The following SGCZ variants were observed in gnomAD, a reference collection of about 807,000 sequenced individuals.
SGCZ encodes zeta-sarcoglycan.
SGCZ carries 40 observed loss-of-function variants against 41.3 expected under a neutral mutation model. That is an observed-to-expected ratio of 0.97 (90% CI 0.75 to 1.26). The LOEUF (loss-of-function observed/expected upper bound fraction) is 1.26, where lower values mean the gene tolerates loss of function less well. SGCZ is among the 50% of genes most tolerant of loss of function. The pLI, the probability that SGCZ is intolerant of heterozygous loss-of-function variation, is 0.00. For missense variants in SGCZ, 552 were observed against 369.8 expected (o/e 1.49, Z -4.04); for synonymous variants, 206 against 137.5 (o/e 1.50, Z -3.49).
At chr8:14,210,718 C>T (rs929705452) in intron 4 of SGCZ, among the ~76,000 whole-genome samples, 5 of 152,144 alleles carry the variant, frequency 3.3e-5, no homozygotes, top group South Asian at 2.1e-4. Flanking sequence ...CCGCTTGCCT[C>T]GGCCTCCCAA....
chr8:14,814,642 C>T (rs116887683), intron 1 of SGCZ, among the ~76,000 whole-genome samples: 2,461 of 152,188 alleles, frequency 0.016, 20 homozygotes, highest in Middle Eastern at 0.031. Flanking sequence ...GATGGGAGGA[C>T]GCAAGCTGGG....
chr8:15,097,840 GTGTATATATA>G, intron 1 of SGCZ, among the ~76,000 whole-genome samples: 1 of 29,610 alleles, frequency 3.4e-5, no homozygotes, highest in Admixed American at 3.8e-4. Context: ...ATATACGTGT[GTGTATATATA>G]TATATACGTG....
At chr8:14,202,750 T>TC (rs1805495850) in intron 4 of SGCZ, among the ~76,000 whole-genome samples, 2 of 151,612 alleles carry the variant, frequency 1.3e-5, no homozygotes, top group Admixed American at 1.3e-4. Context: ...AAAGTCATCT[T>TC]CTTCCTTCCT....
intron 5 of SGCZ, among the ~76,000 whole-genome samples, chr8:14,163,612 A>G (rs994737738): frequency 6.6e-6 from 1 of 152,166 alleles, no homozygotes; most frequent in East Asian, 1.9e-4. Context: ...TTTGACCACT[A>G]AAGTTATTAT....
At chr8:14,273,491 G>C (rs1442540316) in intron 3 of SGCZ, among the ~76,000 whole-genome samples, 1 of 152,072 alleles carries the variant, frequency 6.6e-6, no homozygotes, top group African/African-American at 2.4e-5. Flanking sequence ...ATGAAGTAGT[G>C]CTCATCCGAT....
intron 1 of SGCZ, among the ~76,000 whole-genome samples, chr8:14,971,269 T>C (rs1221100909): frequency 6.6e-6 from 1 of 152,272 alleles, no homozygotes; most frequent in South Asian, 2.1e-4. Context: ...CATTTTGTTT[T>C]TTTGCCTTGT....
chr8:14,726,776 G>T (rs1182031572), intron 1 of SGCZ, among the ~76,000 whole-genome samples: 3 of 151,728 alleles, frequency 2.0e-5, no homozygotes, highest in Non-Finnish European at 4.4e-5. Context: ...AGTTAATTCA[G>T]ATATAAACAA....
At chr8:15,137,704 A>G (rs909844480) in intron 1 of SGCZ, among the ~76,000 whole-genome samples, 1 of 152,192 alleles carries the variant, frequency 6.6e-6, no homozygotes, top group Non-Finnish European at 1.5e-5. Flanking sequence ...AGAAGTCAAG[A>G]AGTGAGGTTT....
At chr8:15,159,712 T>TTCCCC (rs1799446023) in intron 1 of SGCZ, among the ~76,000 whole-genome samples, 1 of 42,074 alleles carries the variant, frequency 2.4e-5, no homozygotes, top group Non-Finnish European at 5.3e-5. Flanking sequence ...TTTTTTTTGT[T>TTCCCC]CCCCCCTCCC....
intron 1 of SGCZ, among the ~76,000 whole-genome samples, chr8:15,094,522 G>C (rs1173989172): frequency 6.6e-6 from 1 of 152,202 alleles, no homozygotes; most frequent in South Asian, 2.1e-4. Flanking sequence ...CATGTGATGA[G>C]AGCAGAAAGA....
intron 5 of SGCZ, among the ~76,000 whole-genome samples, chr8:14,147,707 G>T (rs1035376298): frequency 6.6e-6 from 1 of 152,004 alleles, no homozygotes; most frequent in African/African-American, 2.4e-5. Flanking sequence ...AGACCAAATG[G>T]ATATAACAGA....
intron 1 of SGCZ, among the ~76,000 whole-genome samples, chr8:14,817,476 A>G (rs1246048416): frequency 6.6e-6 from 1 of 152,184 alleles, no homozygotes; most frequent in Non-Finnish European, 1.5e-5. Flanking sequence ...CTAAGCTGCT[A>G]CAGCACAGCA....
intron 1 of SGCZ, among the ~76,000 whole-genome samples, chr8:15,049,487 C>A (rs535566957): frequency 2.6e-5 from 4 of 152,120 alleles, no homozygotes; most frequent in Non-Finnish European, 2.9e-5. Flanking sequence ...GGAGTTTAAG[C>A]AAAGAAGTAA....
chr8:14,148,589 T>C (rs890349952), intron 5 of SGCZ, among the ~76,000 whole-genome samples: 1 of 152,100 alleles, frequency 6.6e-6, no homozygotes, highest in African/African-American at 2.4e-5. Context: ...GCTTCACTGC[T>C]GAATCCAACC....
At chr8:15,199,251 A>G (rs1213790569) in intron 1 of SGCZ, among the ~76,000 whole-genome samples, 1 of 152,172 alleles carries the variant, frequency 6.6e-6, no homozygotes, top group African/African-American at 2.4e-5. Context: ...GTGTAACTGC[A>G]TTGTTAATCT....
chr8:14,220,748 C>A (rs1401302091), intron 4 of SGCZ, among the ~76,000 whole-genome samples: 2 of 151,492 alleles, frequency 1.3e-5, no homozygotes, highest in African/African-American at 4.9e-5. Context: ...GATGACACCA[C>A]TGCACTCCAG....
intron 1 of SGCZ, among the ~76,000 whole-genome samples, chr8:14,617,076 A>G (rs1232991626): frequency 6.6e-6 from 1 of 152,192 alleles, no homozygotes; most frequent in Non-Finnish European, 1.5e-5. Context: ...ACACAATACT[A>G]TGAAATATAG....
At chr8:14,153,993 T>C (rs1388704193) in intron 5 of SGCZ, among the ~76,000 whole-genome samples, 1 of 151,988 alleles carries the variant, frequency 6.6e-6, no homozygotes, top group African/African-American at 2.4e-5. Context: ...AAGGCAGCTG[T>C]CTGCAAGCTA....
At chr8:14,828,765 T>G (rs960237554) in intron 1 of SGCZ, among the ~76,000 whole-genome samples, 1 of 152,296 alleles carries the variant, frequency 6.6e-6, no homozygotes, top group East Asian at 1.9e-4. Context: ...GAGAGTGTTT[T>G]GAGAGAATCA....
Sources: gnomAD v4.1 joint callset for allele counts (sites outside exome capture counted in the v4.1 genomes callset) on GRCh38, gnomAD v4.1.1 for gene constraint, MANE v1.5 for transcripts, NCBI Gene and HGNC (gene_info 2026-07-23, HGNC 2026-07-21) for gene names.